The following TRAPPC10 variants were observed in gnomAD, a reference collection of about 807,000 sequenced individuals.
TRAPPC10 encodes trafficking protein particle complex subunit 10, also known as TRAPP 130 kDa subunit.
In TRAPPC10, 23 loss-of-function variants were observed where a neutral mutation model predicts 125.5. The ratio of observed to expected loss-of-function variants is 0.18; its 90% CI spans 0.13 to 0.26. The LOEUF (loss-of-function observed/expected upper bound fraction) is 0.26, where lower values mean the gene tolerates loss of function less well. TRAPPC10 is among the 10% of genes least tolerant of loss of function. The pLI, the probability that TRAPPC10 is intolerant of heterozygous loss-of-function variation, is 1.00. For synonymous variants in TRAPPC10, 509 were observed against 518.0 expected (o/e 0.98, Z 0.24); for missense variants, 1,123 against 1,308.4 (o/e 0.86, Z 2.19).
chr21:44,062,311 A>G (rs2036118318), intron 6 of TRAPPC10, among the ~76,000 whole-genome samples: 1 of 152,270 alleles, frequency 6.6e-6, no homozygotes. Context: ...GGAATAAAGC[A>G]GAATCCCTTT....
At chr21:44,033,018 T>G (rs1198339887) in intron 2 of TRAPPC10, among the ~76,000 whole-genome samples, 1 of 152,252 alleles carries the variant, frequency 6.6e-6, no homozygotes, top group East Asian at 1.9e-4. Context: ...TTACAGTTAG[T>G]CGTCTGGTGA....
intron 1 of TRAPPC10, among the ~76,000 whole-genome samples, chr21:44,014,654 C>T (rs1007158285): frequency 6.7e-6 from 1 of 150,368 alleles, no homozygotes; most frequent in African/African-American, 2.5e-5. Flanking sequence ...GTCTCGAACT[C>T]CTGACCTTGG....
intron 2 of TRAPPC10, among the ~76,000 whole-genome samples, chr21:44,034,996 C>G (rs571759599): frequency 6.6e-6 from 1 of 152,328 alleles, no homozygotes; most frequent in South Asian, 2.1e-4. Context: ...AGCTAATGTC[C>G]TAAGCCTCCA....
At position 44,051,323 on chromosome 21, in the gene TRAPPC10, A is replaced by G. The variant is rs540973966; in HGVS notation, c.286-957A>G. Among the ~76,000 whole-genome samples, 5 of 152,334 alleles carry G rather than the reference A, an allele frequency of 3.3e-5. No homozygotes were observed. In the East Asian group the frequency reaches 5.8e-4, roughly 18 times the overall value. On this transcript the variant is annotated intron_variant, in intron 3 of 22. Coordinates refer to ENST00000291574, the MANE Select transcript of TRAPPC10 (RefSeq NM_003274.5). ...GGCAGGACAGTGAGGAACTAGCAAA[A>G]GAGGAGAAAGCACTGATTTAGATGG... is the stretch of plus-strand genomic sequence containing the variant.
At chr21:44,056,613 C>T (rs555794431) in intron 5 of TRAPPC10, among the ~76,000 whole-genome samples, 3 of 152,232 alleles carry the variant, frequency 2.0e-5, no homozygotes, top group South Asian at 2.1e-4. Flanking sequence ...GATCATCTCA[C>T]GGCAGTCACG....
intron 7 of TRAPPC10, among the ~76,000 whole-genome samples, chr21:44,068,123 A>G (rs2036587592): frequency 6.6e-6 from 1 of 152,024 alleles, no homozygotes; most frequent in Non-Finnish European, 1.5e-5. Flanking sequence ...CGTCTCAAAA[A>G]AAAAAAAAAA....
At position 44,052,418 on chromosome 21, in the gene TRAPPC10, C is replaced by A; in HGVS notation, c.424C>A (p.Pro142Thr). 1 of 1,613,528 alleles carries A rather than the reference C, an allele frequency of 6.2e-7. No homozygotes were observed. Residue 142 changes from proline to threonine, a missense_variant, in exon 4 of 23, where the codon CCC becomes ACC. By Grantham distance (38) the Pro-to-Thr change is conservative (BLOSUM62 -1). Transcript: ENST00000291574. ...AKKKNKTNIL[P>T]RTSIVDKIRN... ...GAAAAAAAACAAAACCAACATCCTT[C>A]CCCGAACCTCTATTGTGGACAAAAT... is the stretch of plus-strand genomic sequence containing the variant.
At chr21:44,091,212 A>T (rs1396557421) in intron 18 of TRAPPC10, among the ~76,000 whole-genome samples, 1 of 152,142 alleles carries the variant, frequency 6.6e-6, no homozygotes, top group Non-Finnish European at 1.5e-5. Flanking sequence ...AACTATTATT[A>T]ATATTTTCAA....
At chr21:44,040,277 T>C (rs1421256459) in intron 3 of TRAPPC10, among the ~76,000 whole-genome samples, 1 of 152,172 alleles carries the variant, frequency 6.6e-6, no homozygotes. Context: ...AGGGCTGCCT[T>C]TCCTTTTGTG....
Position 44,012,511 on chromosome 21 carries a change from G to A in TRAPPC10, c.18G>A (p.Glu6=). 1.3e-6 allele frequency: 2 copies of A among 1,522,328 alleles called. No individual in the cohort carries two copies. Among genetic ancestry groups the A allele is most frequent in the Non-Finnish European group, 1.8e-6 (2 of 1,133,088 alleles). The allele number at this position is 1,522,328 out of a possible 1,614,324, so 94.3% of individuals were successfully genotyped here. The change falls in exon 1 of 23, where the codon GAG becomes GAA. Residue 6 remains glutamate, a synonymous_variant. Coordinates refer to ENST00000291574, the MANE Select transcript of TRAPPC10 (RefSeq NM_003274.5). MDASE[E]PLPPVIYTME... Reference sequence around the variant, plus strand: ...GGACGCCCATGGACGCCTCTGAGGAGCCGCTGCCGCCGGTGATCTACACCA... The same window carrying A: ...GGACGCCCATGGACGCCTCTGAGGAACCGCTGCCGCCGGTGATCTACACCA...
rs759952459 is a variant in TRAPPC10 at position 44,059,189 on chromosome 21, G to A, written c.765G>A (p.Gln255=). 37 of 1,610,416 alleles carry A rather than the reference G, an allele frequency of 2.3e-5. No individual in the cohort carries two copies. The highest frequency in any genetic ancestry group is 2.9e-5 in the Non-Finnish European group (34 of 1,178,754). Residue 255 remains glutamine, a synonymous_variant, in exon 6 of 23, where the codon CAG becomes CAA. Coordinates refer to ENST00000291574, the MANE Select transcript of TRAPPC10 (RefSeq NM_003274.5). The surrounding 1 kb of genome is among the most constrained non-coding windows in gnomAD (Gnocchi z 4.4). ...ACGAACTGGACGCCCTCTTCTCTCA[G>A]TATGTGGTCAACTTCGGGGCCGGGG... ...QYDELDALFS[Q]YVVNFGAGDG... is the part of the protein sequence containing the mutation.
At position 44,089,881 on chromosome 21, in the gene TRAPPC10, A is replaced by G; in HGVS notation, c.2818A>G (p.Thr940Ala). The change falls in exon 18 of 23, where the codon ACC becomes GCC. Residue 940 changes from threonine (T) to alanine (A), a missense_variant. This residue lies in a region of TRAPPC10 where 840 missense variants were observed against 902.0 expected (regional missense o/e 0.93). Transcript: ENST00000291574. ...CATCTACTCCACAGTCATCGCACTG[A>G]CCTTCAGCGTACCCTTCAGGACCAC... ...WSIYSTVIAL[T>A]FSVPFRTTHS... 6.2e-7 allele frequency: 1 copy of G among 1,613,774 alleles called. No individual in the cohort carries two copies.
intron 7 of TRAPPC10, among the ~76,000 whole-genome samples, chr21:44,072,327 T>G (rs534190304): frequency 6.6e-6 from 1 of 152,218 alleles, no homozygotes; most frequent in East Asian, 1.9e-4. Flanking sequence ...CTGCTCTTGC[T>G]TCTGCATCCA....
chr21:44,090,638 C>T (rs369113104), intron 18 of TRAPPC10, among the ~76,000 whole-genome samples: 1 of 152,108 alleles, frequency 6.6e-6, no homozygotes, highest in Non-Finnish European at 1.5e-5. Context: ...GTTGACTGCA[C>T]CGGGAGGCCC....
At chr21:44,024,529 C>T (rs1010089365) in intron 1 of TRAPPC10, among the ~76,000 whole-genome samples, 2 of 152,192 alleles carry the variant, frequency 1.3e-5, no homozygotes, top group African/African-American at 4.8e-5. Flanking sequence ...GACTAGTGAA[C>T]ACAGGTCTAG....
Position 44,087,931 on chromosome 21 carries a change from G to C in TRAPPC10, c.2769+3G>C. On this transcript the variant is annotated splice_donor_region_variant and intron_variant, in intron 17 of 22. Coordinates refer to ENST00000291574, the MANE Select transcript of TRAPPC10 (RefSeq NM_003274.5). This position sits in a 1 kb window ranked among gnomAD's most constrained non-coding sequence, Gnocchi z 4.6. Reference sequence around the variant, plus strand: ...GCATGGTTACCACAGACCACAAAGTGAGTAGGGACAGTGGAGGAGCTTAGC... The same window carrying C: ...GCATGGTTACCACAGACCACAAAGTCAGTAGGGACAGTGGAGGAGCTTAGC... The C allele has an allele frequency of 6.2e-7, 1 of 1,610,486 alleles. No homozygotes were observed.
At chr21:44,094,315 T>TAGAC in intron 20 of TRAPPC10, 82 bp downstream of exon 20, 1 of 1,306,734 alleles carries the variant, frequency 7.7e-7, no homozygotes, top group East Asian at 2.3e-5. Context: ...AAGAACTGAA[T>TAGAC]AGACAGCTTC....
At chr21:44,036,020 A>G (rs973335246) in intron 2 of TRAPPC10, among the ~76,000 whole-genome samples, 17 of 152,142 alleles carry the variant, frequency 1.1e-4, no homozygotes, top group Non-Finnish European at 2.1e-4. Flanking sequence ...AGGATAAATC[A>G]CGGAGCTCCA....
Position 44,022,869 on chromosome 21 carries a change from A to AT in TRAPPC10, c.68-9216dup, listed in dbSNP as rs546923541. On this transcript the variant is annotated intron_variant, in intron 1 of 22. Transcript: ENST00000291574. ...GGAGGCTGGGTCAGCTTCAGGCTGG[A>AT]TTTTTTGTCGGCAGGACTTTATCAT... 1.4e-3 allele frequency among the ~76,000 whole-genome samples: 215 copies of AT among 151,618 alleles called. 6 individuals carry two copies. In the South Asian group the frequency reaches 0.042, roughly 30 times the overall value.
Sources: allele counts gnomAD v4.1 joint callset (sites outside exome capture counted in the v4.1 genomes callset), GRCh38; gene constraint gnomAD v4.1.1; regional missense constraint gnomAD v4.1.1; non-coding constraint Gnocchi (gnomAD v3.1); transcripts MANE v1.5; gene names NCBI Gene and HGNC (gene_info 2026-07-23, HGNC 2026-07-21).